SLC6A14: variants seen among roughly 807,000 people sequenced by gnomAD.
The protein encoded by SLC6A14 is sodium- and chloride-dependent neutral and basic amino acid transporter B(0+).
In SLC6A14, 21 loss-of-function variants were observed where a neutral mutation model predicts 51.4. That is an observed-to-expected ratio of 0.41 (90% CI 0.29 to 0.59). The LOEUF (loss-of-function observed/expected upper bound fraction) is 0.59. Ranked by LOEUF, SLC6A14 falls within the 20% of genes least tolerant of loss-of-function variation. The pLI, the probability that SLC6A14 is intolerant of heterozygous loss-of-function variation, is 0.31. For synonymous variants in SLC6A14, 177 were observed against 160.7 expected, an observed-to-expected ratio of 1.10 and a Z score of -0.77; for missense variants, 371 against 472.8, an observed-to-expected ratio of 0.78 and a Z score of 2.00.
chrX:116,454,178 C>A, intron 9 of SLC6A14, 146 bp from the exon 10 acceptor site: 2 of 409,783 alleles, frequency 4.9e-6, no homozygotes, highest in South Asian at 4.5e-5. Flanking sequence ...AAGAAAAAAC[C>A]CTGTGGGTTT....
In SLC6A14 at chrX:116,436,708, C is replaced by T. The variant is rs1927488342; in HGVS notation, c.-2C>T. On this transcript the variant is annotated 5_prime_UTR_variant, in exon 1 of 14. Transcript: ENST00000598581. The stretch of plus-strand genomic sequence containing the variant: ...AGGCGGAGCCAGCCGAGGGAGTGAA[C>T]CATGGACAAGTTGAAATGCCCGAGT... 1.7e-6 allele frequency: 2 copies of T among 1,164,678 alleles called. No individual in the cohort carries two copies. Among genetic ancestry groups the T allele is most frequent in the Non-Finnish European group, 2.3e-6 (2 of 871,340 alleles).
chrX:116,438,396 C>A, intron 2 of SLC6A14, among the ~76,000 whole-genome samples: 1 of 111,819 alleles, frequency 8.9e-6, no homozygotes, highest in Admixed American at 9.5e-5. Context: ...TAAAATAATG[C>A]ATTACATTTT....
At chrX:116,442,624 T>C in intron 3 of SLC6A14, 63 bp from the exon 4 acceptor site, 1 of 913,396 alleles carries the variant, frequency 1.1e-6, no homozygotes, top group Admixed American at 3.6e-5. Context: ...AGCTTTTTTA[T>C]GAATTAGCAA....
At position 116,457,709 on chromosome X, in the gene SLC6A14, T is replaced by C; in HGVS notation, c.1715T>C (p.Phe572Ser). 8.3e-7 allele frequency: 1 copy of C among 1,204,268 alleles called. No individual in the cohort carries two copies. The highest frequency in any genetic ancestry group is 3.0e-5 in the East Asian group (1 of 33,786). ...GCTTTAGGCTGGTGTATGATTGTTT[T>C]CTGCATTATTTGGATTCCAATTATG... ...GVALGWCMIV[F>S]CIIWIPIMAI... The change falls in exon 13 of 14, where the codon TTC (phenylalanine) becomes TCC (serine). Residue 572 changes from phenylalanine (F) to serine (S), a missense_variant. Phe to Ser is a radical substitution (Grantham distance 155). Transcript: ENST00000598581.
chrX:116,454,067 T>TGA (rs1927876011), intron 9 of SLC6A14, among the ~76,000 whole-genome samples: 2 of 110,961 alleles, frequency 1.8e-5, no homozygotes, highest in Non-Finnish European at 3.8e-5. Context: ...CAGGGGACTG[T>TGA]TACCTTACAG....
rs781931614 is a variant in SLC6A14 at position 116,451,640 on chromosome X, G to A, written c.1129G>A (p.Gly377Arg). ...ATTGGGACACATGGCCCATATATCT[G>A]GAAAGGAAGTTTCTCAAGTTGTAAA... ...SILGHMAHIS[G>R]KEVSQVVKSG... The change falls in exon 8 of 14, where the codon GGA becomes AGA. Residue 377 changes from glycine to arginine, a missense_variant. Physicochemically the swap from Gly to Arg is moderately radical, Grantham distance 125. Transcript: ENST00000598581. 5 of 1,199,593 alleles carry A rather than the reference G, an allele frequency of 4.2e-6. No homozygotes were observed. The Admixed American group carries it at 1.1e-4, about 26-fold the overall frequency.
At chrX:116,451,305 T>C (rs1438979017) in intron 7 of SLC6A14, 137 bp from the exon 8 acceptor site, 2 of 455,123 alleles carry the variant, frequency 4.4e-6, no homozygotes, top group Non-Finnish European at 7.2e-6. Context: ...CAACATTTTA[T>C]TTCTTAAGCT....
intron 7 of SLC6A14, among the ~76,000 whole-genome samples, chrX:116,450,398 C>T (rs1556694331): frequency 3.6e-5 from 4 of 111,084 alleles, no homozygotes; most frequent in African/African-American, 1.3e-4. Context: ...TGCAAGTAGG[C>T]GGAGGAATGG....
chrX:116,448,160 C>G (rs1409619417), intron 7 of SLC6A14, among the ~76,000 whole-genome samples: 2 of 111,701 alleles, frequency 1.8e-5, no homozygotes, highest in African/African-American at 3.2e-5. Context: ...GTAAGCAGTG[C>G]CAAATTTATT....
chrX:116,439,606 TAATAA>T (rs1412528382), intron 2 of SLC6A14, among the ~76,000 whole-genome samples: 2 of 111,487 alleles, frequency 1.8e-5, no homozygotes, highest in African/African-American at 6.5e-5. Flanking sequence ...ATAGTATTAA[TAATAA>T]AATAATATAA....
chrX:116,459,277 T>G lies in SLC6A14; in HGVS notation c.*322T>G, dbSNP rs1556695007. ...GGAGGCTTTATTTTGAACTAATTTCTTAGAGAATAGTTATATTTTCTATTA... is the reference window on the plus strand; with the variant it reads ...GGAGGCTTTATTTTGAACTAATTTCGTAGAGAATAGTTATATTTTCTATTA... On this transcript the variant is annotated 3_prime_UTR_variant, in exon 14 of 14. Coordinates refer to ENST00000598581, the MANE Select transcript of SLC6A14 (RefSeq NM_007231.5). 2 of 143,252 alleles carry G rather than the reference T, an allele frequency of 1.4e-5. No individual in the cohort carries two copies. Among genetic ancestry groups the G allele is most frequent in the African/African-American group, 6.2e-5 (2 of 32,186 alleles). 11.8% of individuals were successfully genotyped at this position (143,252 alleles called of 1,213,427 possible). A position where few individuals can be genotyped will look rare whatever the true frequency, so the allele number is the denominator to read the frequency against.
At chrX:116,445,784 A>G (rs1927702251) in intron 6 of SLC6A14, among the ~76,000 whole-genome samples, 1 of 111,513 alleles carries the variant, frequency 9.0e-6, no homozygotes, top group Admixed American at 9.6e-5. Flanking sequence ...GTTTTTAACT[A>G]GTCAATGGAT....
In SLC6A14 at chrX:116,459,029, T is replaced by A; in HGVS notation, c.*74T>A. 3 of 880,643 alleles carry A rather than the reference T, an allele frequency of 3.4e-6. No individual in the cohort carries two copies. The highest frequency in any genetic ancestry group is 4.8e-6 in the Non-Finnish European group (3 of 629,832). 72.6% of individuals were successfully genotyped at this position (880,643 alleles called of 1,213,427 possible). ...ATAGGGGGAACCTTATTTATTTGTG[T>A]GTTAACTGAATAGGAAAATGTACAT... On this transcript the variant is annotated 3_prime_UTR_variant, in exon 14 of 14. Transcript: ENST00000598581.
intron 7 of SLC6A14, among the ~76,000 whole-genome samples, chrX:116,449,979 T>C (rs1556694298): frequency 8.9e-6 from 1 of 112,202 alleles, no homozygotes; most frequent in African/African-American, 3.2e-5. Context: ...CATATATTGA[T>C]ATGCACAATA....
In SLC6A14 at chrX:116,437,925, T is replaced by C; in HGVS notation, c.184T>C (p.Phe62Leu). The change falls in exon 2 of 14, where the codon TTT becomes CTT. Residue 62 changes from phenylalanine (F) to leucine (L), a missense_variant. By Grantham distance (22) the Phe-to-Leu change is conservative. This residue lies in a region of SLC6A14 where 277 missense variants were observed against 391.8 expected (regional missense o/e 0.71). Coordinates refer to ENST00000598581, the MANE Select transcript of SLC6A14 (RefSeq NM_007231.5). ...YAVGLGNVWR[F>L]PYLTYSNGGG... ...AGTGGGATTAGGAAATGTGTGGAGATTTCCATATCTGACCTACAGCAATGG... is the reference window on the plus strand; with the variant it reads ...AGTGGGATTAGGAAATGTGTGGAGACTTCCATATCTGACCTACAGCAATGG... The C allele has an allele frequency of 5.8e-6, 7 of 1,208,761 alleles. No homozygotes were observed. Among genetic ancestry groups the C allele is most frequent in the Non-Finnish European group, 7.8e-6 (7 of 893,842 alleles).
chrX:116,444,671 C>CT (rs1304044010), intron 5 of SLC6A14, among the ~76,000 whole-genome samples: 1 of 111,346 alleles, frequency 9.0e-6, no homozygotes, highest in African/African-American at 3.3e-5. Flanking sequence ...ATCAGTAGAT[C>CT]TTTTATTCTG....
intron 10 of SLC6A14, 111 bp from the exon 11 acceptor site, chrX:116,454,866 G>A (rs1461216412): frequency 3.7e-6 from 2 of 537,485 alleles, no homozygotes; most frequent in Non-Finnish European, 6.0e-6. Context: ...TTAGCAGAAG[G>A]GAAACTAAGG....
At chrX:116,456,951 C>T (rs1325790630) in intron 12 of SLC6A14, among the ~76,000 whole-genome samples, 1 of 111,948 alleles carries the variant, frequency 8.9e-6, no homozygotes, top group Admixed American at 9.5e-5. Context: ...TCATCTTTAA[C>T]ATTCAGATTT....
chrX:116,456,485 T>C (rs1225247384), intron 12 of SLC6A14, among the ~76,000 whole-genome samples: 2 of 111,274 alleles, frequency 1.8e-5, no homozygotes, highest in Non-Finnish European at 1.9e-5. Context: ...GTCTCCATAA[T>C]AAAGTAAGCC....
Sources: gnomAD v4.1 joint callset for allele counts (sites outside exome capture counted in the v4.1 genomes callset) on GRCh38, gnomAD v4.1.1 for gene constraint, gnomAD v4.1.1 regional missense constraint, MANE v1.5 for transcripts, NCBI Gene and HGNC (gene_info 2026-07-23, HGNC 2026-07-21) for gene names.